The following MAP2 variants were observed in gnomAD, a reference collection of about 807,000 sequenced individuals.
MAP2 encodes microtubule-associated protein 2.
MAP2 carries 14 observed loss-of-function variants against 137.6 expected under a neutral mutation model. The observed-to-expected ratio is 0.10, with a 90% CI of 0.07 to 0.16. The LOEUF (loss-of-function observed/expected upper bound fraction) is 0.16, where lower values mean the gene tolerates loss of function less well. Ranked by LOEUF, MAP2 falls within the 10% of genes least tolerant of loss-of-function variation. The pLI is 1.00. For missense variants in MAP2, 2,088 were observed against 2,191.5 expected (o/e 0.95, Z 0.94); for synonymous variants, 786 against 782.3 (o/e 1.00, Z -0.08).
In MAP2 at chr2:209,592,704, A is replaced by G. The variant is rs565348530; in HGVS notation, c.-107+12604A>G. On this transcript the variant is annotated intron_variant, in intron 3 of 15. Coordinates refer to ENST00000682079, the MANE Select transcript of MAP2 (RefSeq NM_001375505.1). The stretch of plus-strand genomic sequence containing the variant: ...ATACTTTGATGGTTTTCTTTTTAGT[A>G]GGCTTTAGGAATTTTGTGTGATTTG... 4.6e-5 allele frequency among the ~76,000 whole-genome samples: 7 copies of G among 152,262 alleles called. No individual in the cohort carries two copies. In the East Asian group the frequency reaches 1.4e-3, roughly 29 times the overall value.
chr2:209,629,619 C>A (rs967205434), intron 4 of MAP2, among the ~76,000 whole-genome samples: 1 of 152,142 alleles, frequency 6.6e-6, no homozygotes, highest in Non-Finnish European at 1.5e-5. Flanking sequence ...AAAATAAATT[C>A]TATTGGTAAA....
intron 1 of MAP2, among the ~76,000 whole-genome samples, chr2:209,458,474 A>T (rs184713357): frequency 2.0e-5 from 3 of 152,290 alleles, no homozygotes; most frequent in Admixed American, 2.0e-4. Context: ...TAAGATTAAC[A>T]CCAACCAAAA....
chr2:209,653,931 C>T (rs1466181776), intron 5 of MAP2, among the ~76,000 whole-genome samples: 1 of 152,096 alleles, frequency 6.6e-6, no homozygotes, highest in Non-Finnish European at 1.5e-5. Flanking sequence ...AGTGCATGTG[C>T]AAGAAATGGT....
intron 5 of MAP2, among the ~76,000 whole-genome samples, chr2:209,669,312 G>A (rs932162872): frequency 6.6e-6 from 1 of 151,984 alleles, no homozygotes; most frequent in African/African-American, 2.4e-5. Context: ...GATGTATTTT[G>A]AACAAAGTGA....
Position 209,653,283 on chromosome 2 carries a change from G to T in MAP2, c.113G>T (p.Gly38Val). Residue 38 changes from glycine to valine, a missense_variant, in exon 5 of 16, where the codon GGG (glycine) becomes GTG (valine). Gly to Val is a moderately radical substitution (Grantham distance 109). Coordinates refer to ENST00000682079, the MANE Select transcript of MAP2 (RefSeq NM_001375505.1). ...GAGATTAAGGATCAAGGCGGAGCAG[G>T]GGAAGGACTTGTCCGAAGCGCCAAT... ...PPEIKDQGGA[G>V]EGLVRSANGF... 1 of 1,614,102 alleles carries T rather than the reference G, an allele frequency of 6.2e-7. No individual in the cohort carries two copies. Among genetic ancestry groups the T allele is most frequent in the South Asian group, 1.1e-5 (1 of 91,076 alleles).
chr2:209,696,783 T>A (rs1231000411), intron 9 of MAP2, 35 bp downstream of exon 9: 2 of 1,581,272 alleles, frequency 1.3e-6, no homozygotes, highest in Non-Finnish European at 1.7e-6. Context: ...AAAATGTTTT[T>A]GAAGTAATTC....
At chr2:209,711,490 C>T (rs1398749480) in intron 13 of MAP2, among the ~76,000 whole-genome samples, 2 of 152,066 alleles carry the variant, frequency 1.3e-5, no homozygotes, top group African/African-American at 4.8e-5. Context: ...CCTTTTAGAA[C>T]AATGATAACA....
chr2:209,675,662 C>T (rs2051027026), intron 5 of MAP2, among the ~76,000 whole-genome samples: 1 of 151,754 alleles, frequency 6.6e-6, no homozygotes, highest in African/African-American at 2.4e-5. Flanking sequence ...AATAATTCTC[C>T]ATGGATATCA....
At chr2:209,452,811 C>T (rs938000645) in intron 1 of MAP2, among the ~76,000 whole-genome samples, 1 of 152,106 alleles carries the variant, frequency 6.6e-6, no homozygotes, top group Admixed American at 6.6e-5. Context: ...TAATATCTTA[C>T]CTTAACTCCT....
chr2:209,424,659 G>C (rs1209634705), intron 1 of MAP2, among the ~76,000 whole-genome samples: 1 of 152,200 alleles, frequency 6.6e-6, no homozygotes, highest in East Asian at 1.9e-4. Context: ...TGGAAAATAG[G>C]AAATCGAGGT....
intron 2 of MAP2, among the ~76,000 whole-genome samples, chr2:209,523,461 C>G (rs991595780): frequency 6.6e-6 from 1 of 152,218 alleles, no homozygotes; most frequent in South Asian, 2.1e-4. Context: ...CTATTGCTGT[C>G]CTGAGTATTC....
chr2:209,483,613 A>T (rs2057997078), intron 1 of MAP2, among the ~76,000 whole-genome samples: 1 of 152,238 alleles, frequency 6.6e-6, no homozygotes, highest in Non-Finnish European at 1.5e-5. Flanking sequence ...AGATGTTTTT[A>T]AAATTCTTTA....
chr2:209,682,513 C>G (rs1378637589), intron 7 of MAP2, among the ~76,000 whole-genome samples: 1 of 152,076 alleles, frequency 6.6e-6, no homozygotes, highest in Admixed American at 6.6e-5. Flanking sequence ...AAATAGTACA[C>G]TATCTAGTGG....
chr2:209,442,594 C>T lies in MAP2; in HGVS notation c.-222+18318C>T, dbSNP rs115783081. ...TCTGTTTACACTTTCACTGGATGAT[C>T]TTTTCCATTGTCCGATATTTAACAA... On this transcript the variant is annotated intron_variant, in intron 1 of 15. Coordinates refer to ENST00000682079, the MANE Select transcript of MAP2 (RefSeq NM_001375505.1). 3.7e-3 allele frequency among the ~76,000 whole-genome samples: 562 copies of T among 151,724 alleles called. 4 individuals carry two copies. Among genetic ancestry groups the T allele is most frequent in the African/African-American group, 0.013 (548 of 41,480 alleles).
chr2:209,598,032 G>C (rs1475985659), intron 3 of MAP2, among the ~76,000 whole-genome samples: 1 of 151,798 alleles, frequency 6.6e-6, no homozygotes, highest in Non-Finnish European at 1.5e-5. Context: ...TTGAGACTGA[G>C]TCTTGCTCTG....
At chr2:209,636,779 A>C (rs1427762811) in intron 4 of MAP2, among the ~76,000 whole-genome samples, 1 of 152,132 alleles carries the variant, frequency 6.6e-6, no homozygotes, top group Non-Finnish European at 1.5e-5. Context: ...TATATTTTTA[A>C]TGTAATTTTC....
intron 2 of MAP2, among the ~76,000 whole-genome samples, chr2:209,510,953 A>G (rs2061653235): frequency 6.6e-6 from 1 of 152,098 alleles, no homozygotes; most frequent in Non-Finnish European, 1.5e-5. Context: ...CAAGGGAGAC[A>G]TTCTTTAATA....
chr2:209,474,379 G>T (rs1706614816), intron 1 of MAP2, among the ~76,000 whole-genome samples: 3 of 151,936 alleles, frequency 2.0e-5, no homozygotes. Flanking sequence ...TATAATTTAT[G>T]TTACAGCATG....
intron 1 of MAP2, among the ~76,000 whole-genome samples, chr2:209,429,047 G>A (rs1460256086): frequency 3.3e-5 from 5 of 151,894 alleles, no homozygotes; most frequent in African/African-American, 7.2e-5. Flanking sequence ...TCCGCCCCCC[G>A]GGTTCACGCC....
Sources: allele counts gnomAD v4.1 joint callset (sites outside exome capture counted in the v4.1 genomes callset), GRCh38; gene constraint gnomAD v4.1.1; transcripts MANE v1.5; gene names NCBI Gene and HGNC (gene_info 2026-07-23, HGNC 2026-07-21).